DAB1: variants seen among roughly 807,000 people sequenced by gnomAD.
DAB1 encodes the protein disabled homolog 1.
In DAB1, 15 loss-of-function variants were observed where a neutral mutation model predicts 64.6. The ratio of observed to expected loss-of-function variants is 0.23; its 90% CI spans 0.16 to 0.36. The LOEUF (loss-of-function observed/expected upper bound fraction) is 0.36, where lower values mean the gene tolerates loss of function less well. Among genes scored for constraint, DAB1 ranks in the 10% least tolerant of loss-of-function variants. The pLI is 1.00. For missense variants in DAB1, 596 were observed against 706.7 expected (o/e 0.84, Z 1.78); for synonymous variants, 235 against 251.9 (o/e 0.93, Z 0.64).
intron 3 of DAB1, among the ~76,000 whole-genome samples, chr1:58,389,014 T>C (rs1315799873): frequency 6.6e-6 from 1 of 152,154 alleles, no homozygotes; most frequent in Non-Finnish European, 1.5e-5. Flanking sequence ...CAAACATTGA[T>C]AGTGCTTTCA....
intron 1 of DAB1, among the ~76,000 whole-genome samples, chr1:57,393,952 G>A (rs1325862746): frequency 2.0e-5 from 3 of 152,038 alleles, no homozygotes; most frequent in African/African-American, 7.2e-5. Context: ...CCACATATAG[G>A]TAGATCTACA....
intron 5 of DAB1, among the ~76,000 whole-genome samples, chr1:58,107,585 A>G (rs768614617): frequency 6.8e-6 from 1 of 147,712 alleles, no homozygotes. Flanking sequence ...GCCAAAGGGA[A>G]GCTAGCATGT....
At chr1:57,278,670 G>A (rs1020877120) in intron 2 of DAB1, among the ~76,000 whole-genome samples, 1 of 152,122 alleles carries the variant, frequency 6.6e-6, no homozygotes, top group Non-Finnish European at 1.5e-5. Context: ...AAGAGAGAGG[G>A]GAACTTCTTC....
chr1:57,468,508 T>C (rs1467213826), intron 7 of DAB1, among the ~76,000 whole-genome samples: 1 of 152,210 alleles, frequency 6.6e-6, no homozygotes, highest in Non-Finnish European at 1.5e-5. Flanking sequence ...AGAAAAGATC[T>C]GATCTATAAT....
chr1:58,348,917 AGG>A, intron 3 of DAB1, among the ~76,000 whole-genome samples: 1 of 152,346 alleles, frequency 6.6e-6, no homozygotes, highest in East Asian at 1.9e-4. Context: ...AGATGTCATT[AGG>A]AAGATTGGAC....
chr1:57,447,746 C>T (rs542960422), intron 7 of DAB1, among the ~76,000 whole-genome samples: 9 of 152,236 alleles, frequency 5.9e-5, no homozygotes, highest in African/African-American at 2.2e-4. Context: ...TCTTACCCAG[C>T]CTGCAGCAGC....
chr1:58,277,037 C>CTTTTTTTTTTTTTTTTTTTTTTTTTTT (rs869207396), intron 4 of DAB1, among the ~76,000 whole-genome samples: 1 of 79,648 alleles, frequency 1.3e-5, no homozygotes, highest in Non-Finnish European at 2.3e-5. Context: ...CTTTTTTTTT[C>CTTTTTTTTTTTTTTTTTTTTTTTTTTT]TTTTTTTTTT....
intron 1 of DAB1, among the ~76,000 whole-genome samples, chr1:57,320,690 T>C (rs1380269446): frequency 1.3e-5 from 2 of 151,996 alleles, no homozygotes; most frequent in Non-Finnish European, 2.9e-5. Context: ...TGTTATAAAA[T>C]ATTATATATA....
At chr1:58,168,458 T>C (rs1365341250) in intron 4 of DAB1, among the ~76,000 whole-genome samples, 2 of 152,126 alleles carry the variant, frequency 1.3e-5, no homozygotes, top group Non-Finnish European at 2.9e-5. Context: ...CTCTCGTCTC[T>C]CTTCTCTGAG....
chr1:58,045,567 T>C (rs923860793), intron 5 of DAB1, among the ~76,000 whole-genome samples: 1 of 152,194 alleles, frequency 6.6e-6, no homozygotes, highest in East Asian at 1.9e-4. Flanking sequence ...CCTTCGACAG[T>C]AGATGAATTC....
At chr1:58,153,601 A>T (rs1290640392) in intron 4 of DAB1, among the ~76,000 whole-genome samples, 2 of 152,144 alleles carry the variant, frequency 1.3e-5, no homozygotes, top group African/African-American at 4.8e-5. Flanking sequence ...GACCAAAAAA[A>T]GCTGAAGCTG....
intron 2 of DAB1, among the ~76,000 whole-genome samples, chr1:57,225,915 C>G (rs902174226): frequency 3.9e-5 from 6 of 152,092 alleles, no homozygotes; most frequent in Admixed American, 2.0e-4. Context: ...TTACATATCA[C>G]CTAATATTGT....
chr1:57,596,461 A>G (rs1398906374), intron 7 of DAB1, among the ~76,000 whole-genome samples: 1 of 152,044 alleles, frequency 6.6e-6, no homozygotes, highest in Non-Finnish European at 1.5e-5. Context: ...TATGTGTTTA[A>G]TGGCTGTCTC....
intron 4 of DAB1, among the ~76,000 whole-genome samples, chr1:57,121,181 A>G (rs76787182): frequency 1.2e-3 from 44 of 36,246 alleles, no homozygotes; most frequent in East Asian, 3.4e-3. Context: ...GGAGAAGGAG[A>G]AGAAAGAGAA....
chr1:57,322,802 T>G (rs1675828766), intron 1 of DAB1, among the ~76,000 whole-genome samples: 1 of 152,122 alleles, frequency 6.6e-6, no homozygotes, highest in Admixed American at 6.5e-5. Context: ...AATGCTAACC[T>G]GGAGGGGGCT....
rs140635150 is a variant in DAB1 at position 58,293,562 on chromosome 1, C to T, written n.309+49790G>A. Among the ~76,000 whole-genome samples the T allele has an allele frequency of 7.5e-3, 1,138 of 152,134 alleles. 24 individuals are homozygous for T. Among genetic ancestry groups the T allele is most frequent in the Admixed American group, 0.05 (772 of 15,294 alleles). Reference sequence around the variant, plus strand: ...GCTGAATTGCATCATCTTTTTCCTACTTACCACTGGAAACCACAGGAGAAT... The same window carrying T: ...GCTGAATTGCATCATCTTTTTCCTATTTACCACTGGAAACCACAGGAGAAT... On this transcript the variant is annotated intron_variant and non_coding_transcript_variant, in intron 4 of 20. Coordinates refer to the DAB1 transcript ENST00000485760.
chr1:57,733,780 A>G (rs1426695700), intron 6 of DAB1, among the ~76,000 whole-genome samples: 1 of 152,000 alleles, frequency 6.6e-6, no homozygotes, highest in Admixed American at 6.6e-5. Flanking sequence ...TGAGAAAGAG[A>G]AAGTGGGGAG....
At chr1:57,776,075 G>C (rs1649784407) in intron 6 of DAB1, among the ~76,000 whole-genome samples, 5 of 151,580 alleles carry the variant, frequency 3.3e-5, no homozygotes, top group Admixed American at 3.3e-4. Flanking sequence ...TAGCCTATCT[G>C]TGTCTTTATG....
chr1:57,690,859 T>G (rs1167357611), intron 6 of DAB1, among the ~76,000 whole-genome samples: 4 of 152,184 alleles, frequency 2.6e-5, no homozygotes, highest in Non-Finnish European at 4.4e-5. Context: ...TAAGAAATTC[T>G]TATTGTAGTT....
Sources: gnomAD v4.1 joint callset for allele counts (sites outside exome capture counted in the v4.1 genomes callset) on GRCh38, gnomAD v4.1.1 for gene constraint, MANE v1.5 for transcripts, NCBI Gene and HGNC (gene_info 2026-07-23, HGNC 2026-07-21) for gene names.